Variants in SLC35F4 observed in about 807,000 individuals in gnomAD.
The protein encoded by SLC35F4 is solute carrier family 35 member F4.
In SLC35F4, 24 loss-of-function variants were observed where a neutral mutation model predicts 44.2. The observed-to-expected ratio is 0.54, with a 90% CI of 0.39 to 0.76. The LOEUF (loss-of-function observed/expected upper bound fraction) is 0.76, where lower values mean the gene tolerates loss of function less well. Among genes scored for constraint, SLC35F4 ranks in the 30% least tolerant of loss-of-function variants. The pLI is 0.00. For missense variants in SLC35F4, 562 were observed against 586.1 expected, an observed-to-expected ratio of 0.96 and a Z score of 0.42; for synonymous variants, 238 against 223.6, an observed-to-expected ratio of 1.06 and a Z score of -0.57.
intron 1 of SLC35F4, among the ~76,000 whole-genome samples, chr14:57,678,963 T>A (rs2074798573): frequency 6.6e-6 from 1 of 152,086 alleles, no homozygotes; most frequent in Admixed American, 6.6e-5. Flanking sequence ...ATTAGACAGA[T>A]CAATGAGACA....
chr14:57,870,156 G>GTGTGTGTC (rs1211320834), upstream of SLC35F4, among the ~76,000 whole-genome samples: 10 of 150,968 alleles, frequency 6.6e-5, no homozygotes, highest in African/African-American at 2.5e-4. Flanking sequence ...GTGTGTGTGT[G>GTGTGTGTC]TCTGTGTCTC....
chr14:57,865,624 G>A, intron 1 of SLC35F4, 99 bp downstream of exon 1: 1 of 953,880 alleles, frequency 1.0e-6, no homozygotes, highest in South Asian at 1.8e-5. Context: ...AGGGCTGCAG[G>A]TGTCCGTACC....
At chr14:57,960,733 G>A (rs1305922692) in intron 1 of SLC35F4, among the ~76,000 whole-genome samples, 2 of 152,110 alleles carry the variant, frequency 1.3e-5, no homozygotes, top group African/African-American at 4.8e-5. Context: ...CAGTTTCCTG[G>A]TAGGTAGGCA....
rs1403860265 is a variant in SLC35F4, at chr14:57,568,159, TGGGCCTGGTA to T, written c.1127-1605_1127-1596del. Reference sequence around the variant, plus strand: ...GTGAGCTCTCTGCAGTGCACTGGGGTGGGCCTGGTAGAGCAGCTGCAGTGCTGCTTGGCAC... The same window carrying T: ...GTGAGCTCTCTGCAGTGCACTGGGGTGAGCAGCTGCAGTGCTGCTTGGCAC... On this transcript the variant is annotated intron_variant, in intron 6 of 7. Coordinates refer to ENST00000556826, the MANE Select transcript of SLC35F4 (RefSeq NM_001306087.2). Among the ~76,000 whole-genome samples the T allele has an allele frequency of 1.8e-4, 27 of 152,298 alleles. 1 individual carries two copies. The highest frequency in any genetic ancestry group is 6.3e-4 in the African/African-American group (26 of 41,572).
In SLC35F4 at chr14:57,831,287, G is replaced by A. The variant is rs147988527; in HGVS notation, c.103+34436C>T. 6.2e-3 allele frequency among the ~76,000 whole-genome samples: 942 copies of A among 152,280 alleles called. 11 individuals are homozygous for A. Among genetic ancestry groups the A allele is most frequent in the Middle Eastern group, 0.034 (10 of 294 alleles). On this transcript the variant is annotated intron_variant, in intron 1 of 7. Coordinates refer to ENST00000556826, the MANE Select transcript of SLC35F4 (RefSeq NM_001306087.2). ...AGGCAGCCTCTGCAAGCCGGAAAGA[G>A]GGCCCTCACTAGACACAGAGTTTGT...
downstream of SLC35F4, among the ~76,000 whole-genome samples, chr14:57,973,022 T>C (rs1045831533): frequency 2.0e-5 from 3 of 152,238 alleles, no homozygotes; most frequent in African/African-American, 7.2e-5. Flanking sequence ...TAGGTACTAA[T>C]ATTAAAGTCA....
At chr14:57,899,255 C>T (rs1011008249) in intron 1 of SLC35F4, among the ~76,000 whole-genome samples, 16 of 152,192 alleles carry the variant, frequency 1.1e-4, no homozygotes, top group African/African-American at 3.9e-4. Flanking sequence ...GAAAAATCTC[C>T]ATTTCCTGCA....
chr14:57,780,822 C>A (rs1434394464), intron 1 of SLC35F4, among the ~76,000 whole-genome samples: 3 of 151,838 alleles, frequency 2.0e-5, no homozygotes, highest in African/African-American at 7.3e-5. Context: ...CCCCCACAAC[C>A]ATCTGATCTT....
chr14:57,640,664 C>CT (rs1461833613), intron 1 of SLC35F4, among the ~76,000 whole-genome samples: 5 of 151,944 alleles, frequency 3.3e-5, no homozygotes, highest in African/African-American at 1.2e-4. Context: ...AGTAAAATAA[C>CT]TGAGGTTATA....
intron 1 of SLC35F4, among the ~76,000 whole-genome samples, chr14:57,797,183 T>A (rs942808632): frequency 1.3e-5 from 2 of 152,186 alleles, no homozygotes; most frequent in East Asian, 1.9e-4. Context: ...GTGAATCTTA[T>A]CCATAGTCTA....
At chr14:57,973,501 G>T (rs1484316422), downstream of SLC35F4, among the ~76,000 whole-genome samples, 2 of 152,160 alleles carry the variant, frequency 1.3e-5, no homozygotes, top group Non-Finnish European at 2.9e-5. Flanking sequence ...GATCTCTGTG[G>T]TTCTGTTTTC....
chr14:57,900,017 G>C (rs777193647), intron 1 of SLC35F4, among the ~76,000 whole-genome samples: 4 of 152,030 alleles, frequency 2.6e-5, no homozygotes, highest in Admixed American at 1.3e-4. Context: ...ATTTTTGTCC[G>C]ATTAGAGTGC....
chr14:57,775,140 C>CT lies in SLC35F4; in HGVS notation c.103+90582dup, dbSNP rs201557224. Among the ~76,000 whole-genome samples, 96 of 152,382 alleles carry CT rather than the reference C, an allele frequency of 6.3e-4. 2 individuals carry two copies. The East Asian group carries it at 0.018, about 29-fold the overall frequency. ...TCCTGTGCCCACCAGCACCCCACCC[C>CT]TGTGCTAACACCATCACCAGTGCAC... On this transcript the variant is annotated intron_variant, in intron 1 of 7. Transcript: ENST00000556826.
At chr14:57,619,018 C>T (rs1001901250) in intron 1 of SLC35F4, among the ~76,000 whole-genome samples, 2 of 151,996 alleles carry the variant, frequency 1.3e-5, no homozygotes, top group South Asian at 2.1e-4. Flanking sequence ...AGGGCATCAC[C>T]GAAAAAAAGG....
intron 1 of SLC35F4, among the ~76,000 whole-genome samples, chr14:57,928,942 A>G (rs1303161621): frequency 1.3e-5 from 2 of 152,248 alleles, no homozygotes; most frequent in Non-Finnish European, 2.9e-5. Flanking sequence ...GAAAAGAGGA[A>G]GCAGAGGAAA....
In SLC35F4 at chr14:57,718,459, C is replaced by T. The variant is rs148629249; in HGVS notation, c.104-124335G>A. On this transcript the variant is annotated intron_variant, in intron 1 of 7. Transcript: ENST00000556826. ...GTGGTTGTACCAATTTATATTCTCA[C>T]CAACAGTGTATGAGGATTCTCTTTT... 1.5e-3 allele frequency among the ~76,000 whole-genome samples: 235 copies of T among 152,270 alleles called. 1 individual carries two copies. The highest frequency in any genetic ancestry group is 6.8e-3 in the Middle Eastern group (2 of 292).
At chr14:57,634,677 C>G (rs1441002292) in intron 1 of SLC35F4, among the ~76,000 whole-genome samples, 2 of 151,934 alleles carry the variant, frequency 1.3e-5, no homozygotes, top group Non-Finnish European at 2.9e-5. Flanking sequence ...TTTTTTTTCC[C>G]CTAAGTATAA....
intron 1 of SLC35F4, among the ~76,000 whole-genome samples, chr14:57,745,423 G>T (rs1333700845): frequency 6.6e-6 from 1 of 152,176 alleles, no homozygotes; most frequent in African/African-American, 2.4e-5. Context: ...AGTCCACAAA[G>T]GATGTGAACA....
At chr14:57,812,394 A>T (rs2140888668) in intron 1 of SLC35F4, among the ~76,000 whole-genome samples, 1 of 152,214 alleles carries the variant, frequency 6.6e-6, no homozygotes, top group East Asian at 1.9e-4. Context: ...CTCCTGGCCC[A>T]CCAGCACTGT....
Sources: gnomAD v4.1 joint callset for allele counts (sites outside exome capture counted in the v4.1 genomes callset) on GRCh38, gnomAD v4.1.1 for gene constraint, MANE v1.5 for transcripts, NCBI Gene and HGNC (gene_info 2026-07-23, HGNC 2026-07-21) for gene names.